MTMR10: variants seen among roughly 807,000 people sequenced by gnomAD.
MTMR10 encodes myotubularin related protein 10.
MTMR10 carries 56 observed loss-of-function variants against 88.1 expected under a neutral mutation model. The ratio of observed to expected loss-of-function variants is 0.64; its 90% CI spans 0.51 to 0.79. MTMR10 has a LOEUF of 0.79. Among genes scored for constraint, MTMR10 ranks in the 30% least tolerant of loss-of-function variants. MTMR10 has a pLI of 0.00. For missense variants in MTMR10, 883 were observed against 924.7 expected, an observed-to-expected ratio of 0.95 and a Z score of 0.58; for synonymous variants, 380 against 340.9, an observed-to-expected ratio of 1.11 and a Z score of -1.26.
chr15:30,967,865 G>C (rs1390944292), intron 6 of MTMR10, 55 bp downstream of exon 6: 13 of 1,394,588 alleles, frequency 9.3e-6, no homozygotes, highest in South Asian at 1.3e-5. Flanking sequence ...GTAAACATAA[G>C]AGTAAAATTT....
rs150148688 is a variant in MTMR10, at chr15:30,950,823, A to G, written c.1207+1145T>C. ...ATCCACAAATGCTTAAGTCCTGGAT[A>G]TAAAATGATGTTAATATTTGCATAT... is the stretch of plus-strand genomic sequence containing the variant. On this transcript the variant is annotated intron_variant, in intron 12 of 15. Coordinates refer to ENST00000435680, the MANE Select transcript of MTMR10 (RefSeq NM_017762.3). Among the ~76,000 whole-genome samples, 130 of 152,352 alleles carry G rather than the reference A, an allele frequency of 8.5e-4. 1 individual carries two copies. Among genetic ancestry groups the G allele is most frequent in the Non-Finnish European group, 1.5e-4 (10 of 68,040 alleles).
Position 30,941,312 on chromosome 15 carries a change from A to C in MTMR10, c.*158T>G. Reference sequence around the variant, plus strand: ...TACATCTCTCTTAAAATAAGTGTGAAAGAAGCATGATTCAACATGTTTTTA... The same window carrying C: ...TACATCTCTCTTAAAATAAGTGTGACAGAAGCATGATTCAACATGTTTTTA... On this transcript the variant is annotated 3_prime_UTR_variant, in exon 16 of 16. Transcript: ENST00000435680. The C allele has an allele frequency of 1.3e-6, 2 of 1,527,420 alleles. No homozygotes were observed. Among genetic ancestry groups the C allele is most frequent in the Non-Finnish European group, 1.8e-6 (2 of 1,141,486 alleles). 94.6% of individuals were successfully genotyped at this position (1,527,420 alleles called of 1,614,324 possible).
chr15:30,974,351 A>G lies in MTMR10; in HGVS notation c.437T>C (p.Phe146Ser). Reference protein sequence around the residue: ...IYCKDFRIVRFRFDESGPESA... With the variant: ...IYCKDFRIVRSRFDESGPESA... The stretch of plus-strand genomic sequence containing the variant: ...TTCGGGACCTGATTCATCAAAGCGA[A>G]ATCTGACAATTCTGAAATCTTTACA... Residue 146 changes from phenylalanine to serine, a missense_variant, in exon 5 of 16, where the codon TTT (phenylalanine) becomes TCT (serine). Phe to Ser is a radical substitution (Grantham distance 155). Transcript: ENST00000435680. 2.5e-6 allele frequency: 4 copies of G among 1,605,430 alleles called. No homozygotes were observed. Among genetic ancestry groups the G allele is most frequent in the Non-Finnish European group, 3.4e-6 (4 of 1,174,932 alleles).
chr15:30,933,941 T>C (rs1264658488), downstream of MTMR10, among the ~76,000 whole-genome samples: 3 of 152,114 alleles, frequency 2.0e-5, no homozygotes, highest in Non-Finnish European at 4.4e-5. Flanking sequence ...TTTTTATTTT[T>C]TGTAGAGATG....
At chr15:30,943,366 T>C (rs750279787) in intron 14 of MTMR10, 2 of 985,218 alleles carry the variant, frequency 2.0e-6, no homozygotes, top group Non-Finnish European at 2.4e-6. Context: ...TTCACTAACA[T>C]GATACTAGAA....
At chr15:30,965,428 T>C (rs2072178390) in intron 6 of MTMR10, among the ~76,000 whole-genome samples, 1 of 152,238 alleles carries the variant, frequency 6.6e-6, no homozygotes, top group African/African-American at 2.4e-5. Flanking sequence ...AGGCTGCAGA[T>C]AACTTCATGA....
chr15:30,954,558 C>T (rs975173284), intron 10 of MTMR10, among the ~76,000 whole-genome samples: 9 of 152,104 alleles, frequency 5.9e-5, no homozygotes, highest in African/African-American at 2.2e-4. Context: ...ACTCATTTTT[C>T]CCCCTCTAAA....
intron 9 of MTMR10, among the ~76,000 whole-genome samples, chr15:30,955,468 C>T (rs11636455): frequency 0.12 from 18,447 of 152,132 alleles, 1,350 homozygotes; most frequent in Non-Finnish European, 0.15. Flanking sequence ...GGCGGGGTTT[C>T]ACCATGTTGG....
Position 30,951,866 on chromosome 15 carries a change from G to A in MTMR10, c.1207+102C>T. ...TATTTGATGGTACTGTAGTAAATAA[G>A]AAATAGCTAAAACTGATGTGATTTA... On this transcript the variant is annotated intron_variant, in intron 12 of 15. Coordinates refer to ENST00000435680, the MANE Select transcript of MTMR10 (RefSeq NM_017762.3). 3.0e-6 allele frequency: 3 copies of A among 1,004,782 alleles called. No individual in the cohort carries two copies. In the South Asian group the frequency reaches 4.1e-5, roughly 14 times the overall value. 62.2% of individuals were successfully genotyped at this position (1,004,782 alleles called of 1,614,324 possible).
In MTMR10 at chr15:30,941,642, C is replaced by G. The variant is rs911014162; in HGVS notation, c.2162G>C (p.Ser721Thr). ...CGAGGTGTCGGTGTGGTGAGGGCCG[C>G]TGGCGTTGAAGTACATCCTGCTCTG... ...LGQSRMYFNA[S>T]GPHHTDTSGT... Residue 721 changes from serine (S) to threonine (T), a missense_variant, in exon 16 of 16, where the codon AGC (serine) becomes ACC (threonine). Physicochemically the swap from Ser to Thr is moderately conservative, Grantham distance 58. This residue lies in a region of MTMR10 where 343 missense variants were observed against 323.2 expected (regional missense o/e 1.06). Coordinates refer to ENST00000435680, the MANE Select transcript of MTMR10 (RefSeq NM_017762.3). The G allele has an allele frequency of 2.5e-6, 4 of 1,610,050 alleles. No homozygotes were observed. In the African/African-American group the frequency reaches 5.3e-5, roughly 22 times the overall value.
chr15:30,981,452 C>T (rs931827759), intron 2 of MTMR10, among the ~76,000 whole-genome samples: 1 of 152,252 alleles, frequency 6.6e-6, no homozygotes, highest in East Asian at 1.9e-4. Context: ...GATACCACCT[C>T]TGTGGGTCTT....
intron 5 of MTMR10, among the ~76,000 whole-genome samples, chr15:30,972,317 T>C (rs1255560124): frequency 6.6e-6 from 1 of 152,188 alleles, no homozygotes; most frequent in Non-Finnish European, 1.5e-5. Flanking sequence ...TAACCCTGTT[T>C]GAAATGCGTA....
At chr15:30,988,738 C>T (rs2031112498) in intron 2 of MTMR10, among the ~76,000 whole-genome samples, 2 of 152,088 alleles carry the variant, frequency 1.3e-5, no homozygotes, top group Non-Finnish European at 2.9e-5. Context: ...CCTGTAATCC[C>T]AGCACTTTGG....
chr15:30,947,866 T>C (rs997002454), intron 13 of MTMR10, among the ~76,000 whole-genome samples: 2 of 152,218 alleles, frequency 1.3e-5, no homozygotes, highest in Non-Finnish European at 1.5e-5. Context: ...GGTAAGATAT[T>C]TGTAAGGCCT....
At chr15:30,954,069 C>T (rs766925653) in intron 10 of MTMR10, among the ~76,000 whole-genome samples, 1 of 152,168 alleles carries the variant, frequency 6.6e-6, no homozygotes, top group African/African-American at 2.4e-5. Context: ...CTCACGTGGC[C>T]GAGGGCTAGC....
chr15:30,941,322 A>G lies in MTMR10; in HGVS notation c.*148T>C. On this transcript the variant is annotated 3_prime_UTR_variant, in exon 16 of 16. Transcript: ENST00000435680. The stretch of plus-strand genomic sequence containing the variant: ...TTAAAATAAGTGTGAAAGAAGCATG[A>G]TTCAACATGTTTTTAAATATTAGTG... The G allele has an allele frequency of 6.5e-7, 1 of 1,530,460 alleles. No homozygotes were observed. The highest frequency in any genetic ancestry group is 8.7e-7 in the Non-Finnish European group (1 of 1,143,376). 94.8% of individuals were successfully genotyped at this position (1,530,460 alleles called of 1,614,324 possible).
the MTMR10 span, among the ~76,000 whole-genome samples, chr15:30,929,759 T>TATATC: frequency 4.5e-5 from 2 of 44,892 alleles, no homozygotes; most frequent in South Asian, 7.3e-4. Context: ...TATAATATAA[T>TATATC]ATATAAAATA....
Position 30,959,066 on chromosome 15 carries a change from A to C in MTMR10, c.814T>G (p.Phe272Val). 6.2e-7 allele frequency: 1 copy of C among 1,612,214 alleles called. No homozygotes were observed. Among genetic ancestry groups the C allele is most frequent in the Non-Finnish European group, 8.5e-7 (1 of 1,178,898 alleles). Residue 272 changes from phenylalanine (F) to valine (V), a missense_variant, in exon 8 of 16, where the codon TTT becomes GTT. Physicochemically the swap from Phe to Val is conservative, Grantham distance 50 (BLOSUM62 -1). Around this residue, in one of 3 missense-constraint regions of MTMR10, gnomAD observed 414 missense variants for 423.2 expected, o/e 0.98. Transcript: ENST00000435680. Reference sequence around the variant, plus strand: ...CTTCTCCCAACAAAAGAATGGGAAAAGATCTTTAGATCTTGGTCTGCTAAA... The same window carrying C: ...CTTCTCCCAACAAAAGAATGGGAAACGATCTTTAGATCTTGGTCTGCTAAA... ...SSLADQDLKIFSHSFVGRRMP... is the reference protein window; with the variant it reads ...SSLADQDLKIVSHSFVGRRMP...
chr15:30,935,563 A>T (rs950756774), downstream of MTMR10, among the ~76,000 whole-genome samples: 2 of 152,240 alleles, frequency 1.3e-5, no homozygotes, highest in Non-Finnish European at 2.9e-5. Context: ...AAAGTATATG[A>T]GAAGATGTGC....
Sources: gnomAD v4.1 joint callset for allele counts (sites outside exome capture counted in the v4.1 genomes callset) on GRCh38, gnomAD v4.1.1 for gene constraint, gnomAD v4.1.1 regional missense constraint, MANE v1.5 for transcripts, NCBI Gene and HGNC (gene_info 2026-07-23, HGNC 2026-07-21) for gene names.